The following CTNNA2 variants were observed in gnomAD, a reference collection of about 807,000 sequenced individuals.
CTNNA2 encodes catenin alpha 2, also known as catenin alpha-2.
In CTNNA2, 42 loss-of-function variants were observed where a neutral mutation model predicts 101.0. That is an observed-to-expected ratio of 0.42 (90% CI 0.32 to 0.54). The LOEUF (loss-of-function observed/expected upper bound fraction) is 0.54, where lower values mean the gene tolerates loss of function less well. CTNNA2 is among the 20% of genes least tolerant of loss of function. The pLI, the probability that CTNNA2 is intolerant of heterozygous loss-of-function variation, is 0.14. For missense variants in CTNNA2, 871 were observed against 1,223.1 expected (o/e 0.71, Z 4.29); for synonymous variants, 450 against 456.4 (o/e 0.99, Z 0.18).
chr2:80,376,630 G>C (rs1460577637), intron 7 of CTNNA2, among the ~76,000 whole-genome samples: 1 of 151,808 alleles, frequency 6.6e-6, no homozygotes, highest in Non-Finnish European at 1.5e-5. Context: ...ATGGTGGAGA[G>C]GACATTTAGA....
At chr2:80,488,467 T>C (rs1247648903) in intron 9 of CTNNA2, among the ~76,000 whole-genome samples, 1 of 152,100 alleles carries the variant, frequency 6.6e-6, no homozygotes, top group East Asian at 1.9e-4. Context: ...ATAAAATACA[T>C]TAAAACCCTA....
At chr2:79,204,917 C>T (rs919803819) in intron 2 of CTNNA2, among the ~76,000 whole-genome samples, 4 of 152,230 alleles carry the variant, frequency 2.6e-5, no homozygotes, top group African/African-American at 7.2e-5. Flanking sequence ...CATCAGGCAC[C>T]GCCTGCCAAC....
chr2:79,222,778 A>G (rs1251539793), intron 2 of CTNNA2, among the ~76,000 whole-genome samples: 2 of 151,752 alleles, frequency 1.3e-5, no homozygotes, highest in Non-Finnish European at 2.9e-5. Flanking sequence ...ATGTGATGGC[A>G]TTAGGAGGTG....
At chr2:80,549,508 A>G (rs919125239) in intron 11 of CTNNA2, among the ~76,000 whole-genome samples, 27 of 152,318 alleles carry the variant, frequency 1.8e-4, no homozygotes, top group African/African-American at 6.0e-4. Flanking sequence ...GTTGCCAAAT[A>G]TAAGGAAGTT....
chr2:80,481,946 G>A (rs936210283), intron 9 of CTNNA2, among the ~76,000 whole-genome samples: 2 of 152,038 alleles, frequency 1.3e-5, no homozygotes, highest in Non-Finnish European at 2.9e-5. Flanking sequence ...TATATCTGAT[G>A]GAGAACCAAG....
chr2:80,641,806 T>A (rs2149857462), intron 18 of CTNNA2, among the ~76,000 whole-genome samples: 1 of 152,242 alleles, frequency 6.6e-6, no homozygotes, highest in Admixed American at 6.5e-5. Context: ...GATATTAATA[T>A]TGATTTTAAA....
chr2:79,986,434 T>G (rs1397349741), intron 7 of CTNNA2, among the ~76,000 whole-genome samples: 1 of 152,108 alleles, frequency 6.6e-6, no homozygotes, highest in African/African-American at 2.4e-5. Context: ...GGAGAACTGT[T>G]GGTGGGACCA....
chr2:79,682,758 T>C (rs1478425122), intron 2 of CTNNA2, among the ~76,000 whole-genome samples: 2 of 152,146 alleles, frequency 1.3e-5, no homozygotes, highest in Non-Finnish European at 2.9e-5. Flanking sequence ...GTAAGTAAAA[T>C]AGATACATAT....
At chr2:79,358,244 G>A (rs2104444487) in intron 3 of CTNNA2, among the ~76,000 whole-genome samples, 1 of 151,276 alleles carries the variant, frequency 6.6e-6, no homozygotes, top group East Asian at 2.0e-4. Context: ...TAGTCACCCA[G>A]GCTGGAGTAC....
intron 4 of CTNNA2, among the ~76,000 whole-genome samples, chr2:79,396,921 A>T (rs1410410512): frequency 2.6e-5 from 4 of 152,138 alleles, no homozygotes; most frequent in Non-Finnish European, 5.9e-5. Flanking sequence ...TTGTTATAGC[A>T]GTGGTTCTCA....
At chr2:79,452,802 A>G (rs1176790098) in intron 4 of CTNNA2, among the ~76,000 whole-genome samples, 6 of 152,204 alleles carry the variant, frequency 3.9e-5, no homozygotes, top group African/African-American at 9.6e-5. Context: ...TTCCTAATGC[A>G]TCCTTCATTA....
rs1429585600 is a variant in CTNNA2, at chr2:79,657,292, T to C, written c.102+5634T>C. Among the ~76,000 whole-genome samples, 5 of 151,796 alleles carry C rather than the reference T, an allele frequency of 3.3e-5. No individual in the cohort carries two copies. The South Asian group carries it at 8.3e-4, about 25-fold the overall frequency. On this transcript the variant is annotated intron_variant, in intron 2 of 18. Coordinates refer to ENST00000402739, the MANE Select transcript of CTNNA2 (RefSeq NM_001282597.3). Reference sequence around the variant, plus strand: ...GAAACAAGAAAGGTTAAAAGAAGTATAGTAGAATATTAGGTGTGGCTCTGC... The same window carrying C: ...GAAACAAGAAAGGTTAAAAGAAGTACAGTAGAATATTAGGTGTGGCTCTGC...
chr2:79,398,377 A>C (rs1325750384), intron 4 of CTNNA2, among the ~76,000 whole-genome samples: 1 of 152,062 alleles, frequency 6.6e-6, no homozygotes, highest in Non-Finnish European at 1.5e-5. Context: ...CTACTTCCAA[A>C]TCCTTTCCAA....
intron 6 of CTNNA2, among the ~76,000 whole-genome samples, chr2:79,886,774 AAAGAAGGAAAT>A (rs1683910434): frequency 6.7e-6 from 1 of 148,900 alleles, no homozygotes; most frequent in Non-Finnish European, 1.5e-5. Flanking sequence ...AAAAAAAAAA[AAAGAAGGAAAT>A]GGCATGGTCA....
At chr2:79,491,709 G>C (rs573587708) in intron 4 of CTNNA2, among the ~76,000 whole-genome samples, 1 of 152,148 alleles carries the variant, frequency 6.6e-6, no homozygotes. Flanking sequence ...CTGTAGAAGA[G>C]AAAGAGAGAT....
intron 3 of CTNNA2, 111 bp from the exon 4 acceptor site, chr2:79,857,901 TG>T: frequency 8.7e-7 from 1 of 1,147,312 alleles, no homozygotes. Flanking sequence ...AAATACCACC[TG>T]GTCATCAGAG....
chr2:80,274,997 AG>A (rs1390419631), intron 7 of CTNNA2, among the ~76,000 whole-genome samples: 5 of 152,224 alleles, frequency 3.3e-5, no homozygotes, highest in Non-Finnish European at 7.3e-5. Flanking sequence ...AGCATATAGA[AG>A]GTATGTAATA....
intron 3 of CTNNA2, among the ~76,000 whole-genome samples, chr2:79,326,243 C>T (rs1465192922): frequency 6.7e-6 from 1 of 149,756 alleles, no homozygotes; most frequent in Non-Finnish European, 1.5e-5. Context: ...GAAAAAATGA[C>T]TAAAGCGCTA....
chr2:80,019,685 T>C (rs1694417098), intron 7 of CTNNA2, among the ~76,000 whole-genome samples: 1 of 152,216 alleles, frequency 6.6e-6, no homozygotes. Context: ...TGATGACAGT[T>C]GGACATCTCT....
Sources: allele counts gnomAD v4.1 joint callset (sites outside exome capture counted in the v4.1 genomes callset), GRCh38; gene constraint gnomAD v4.1.1; transcripts MANE v1.5; gene names NCBI Gene and HGNC (gene_info 2026-07-23, HGNC 2026-07-21).